Variants in BICD2 observed in about 807,000 individuals in gnomAD.
BICD2 encodes protein bicaudal D homolog 2.
Under a neutral mutation model 72.9 loss-of-function variants are expected in BICD2, and 25 were observed. The ratio of observed to expected loss-of-function variants is 0.34; its 90% confidence interval spans 0.25 to 0.48. BICD2 has a LOEUF of 0.48. Ranked by LOEUF, BICD2 falls within the 20% of genes least tolerant of loss-of-function variation. BICD2 has a pLI of 0.99. For missense variants in BICD2, 894 were observed against 1,175.2 expected (o/e 0.76, Z 3.50); for synonymous variants, 501 against 516.1 (o/e 0.97, Z 0.40).
chr9:92,758,125 AC>A (rs1185609969), intron 1 of BICD2, among the ~76,000 whole-genome samples: 1 of 151,606 alleles, frequency 6.6e-6, no homozygotes, highest in African/African-American at 2.4e-5. Flanking sequence ...AATTGCTTGA[AC>A]CTGGAAGGCA....
Position 92,720,957 on chromosome 9 carries a change from G to C in BICD2, c.607-202C>G, listed in dbSNP as rs2131502917. On this transcript the variant is annotated intron_variant, in intron 3 of 6. Coordinates refer to ENST00000356884, the MANE Select transcript of BICD2 (RefSeq NM_001003800.2). This position sits in a 1 kb window ranked among gnomAD's most constrained non-coding sequence, Gnocchi z 5.4. ...CTCTGCTCAGAGATGTGGATGCTAA[G>C]AAGGTTCCAGGGCATGAGATGCGAA... Among the ~76,000 whole-genome samples, 1 of 152,344 alleles carries C rather than the reference G, an allele frequency of 6.6e-6. No individual in the cohort carries two copies. The highest frequency in any genetic ancestry group is 2.1e-4 in the South Asian group (1 of 4,832).
chr9:92,741,769 C>G (rs1441824940), intron 1 of BICD2, among the ~76,000 whole-genome samples: 2 of 152,180 alleles, frequency 1.3e-5, no homozygotes, highest in African/African-American at 4.8e-5. Flanking sequence ...ACACTCTCAC[C>G]ACACTTAAAA....
rs145935563 is a variant in BICD2 at position 92,761,703 on chromosome 9, G to A, written c.240+2802C>T. ...ACAGAACAAAGTGTCTCACGGCCAC[G>A]CAGGACCAGGAACACCAGGTTGCTG... On this transcript the variant is annotated intron_variant, in intron 1 of 6. Coordinates refer to ENST00000356884, the MANE Select transcript of BICD2 (RefSeq NM_001003800.2). Among the ~76,000 whole-genome samples the A allele has an allele frequency of 1.1e-3, 175 of 152,318 alleles. 2 individuals are homozygous for A. Among genetic ancestry groups the A allele is most frequent in the African/African-American group, 3.9e-3 (164 of 41,578 alleles).
At chr9:92,744,866 A>G (rs1853976498) in intron 1 of BICD2, among the ~76,000 whole-genome samples, 1 of 152,106 alleles carries the variant, frequency 6.6e-6, no homozygotes, top group East Asian at 1.9e-4. Flanking sequence ...AAAAAAGGAA[A>G]AGCTGCAGAA....
intron 1 of BICD2, among the ~76,000 whole-genome samples, chr9:92,748,069 G>A (rs1278962683): frequency 6.6e-6 from 1 of 152,172 alleles, no homozygotes; most frequent in East Asian, 1.9e-4. Flanking sequence ...GGAACTCCAG[G>A]GGTACAGGGT....
intron 1 of BICD2, among the ~76,000 whole-genome samples, chr9:92,751,018 C>A (rs1198381983): frequency 6.6e-6 from 1 of 151,776 alleles, no homozygotes. Context: ...TCAAGCAATT[C>A]TCCTGCCTCA....
intron 2 of BICD2, 85 bp from the exon 3 acceptor site, chr9:92,722,893 G>T: frequency 6.5e-7 from 1 of 1,539,030 alleles, no homozygotes; most frequent in Non-Finnish European, 8.9e-7. Context: ...GCCATGGCCA[G>T]CCATACAGCC....
At chr9:92,740,071 C>T (rs1587682564) in intron 1 of BICD2, among the ~76,000 whole-genome samples, 1 of 152,168 alleles carries the variant, frequency 6.6e-6, no homozygotes, top group Non-Finnish European at 1.5e-5. Context: ...TCAAACCTAT[C>T]GTGACCCAAA....
In BICD2 at chr9:92,720,211, C is replaced by A; in HGVS notation, c.1062+89G>T. ...CAACGTAAGGAAAAGGGAAAGTTAA[C>A]ATCAGCAGAGTGTCAGGTAAGCACT... is the stretch of plus-strand genomic sequence containing the variant. On this transcript the variant is annotated intron_variant, in intron 4 of 6. Coordinates refer to ENST00000356884, the MANE Select transcript of BICD2 (RefSeq NM_001003800.2). This position sits in a 1 kb window ranked among gnomAD's most constrained non-coding sequence, Gnocchi z 5.4. 1 of 1,277,156 alleles carries A rather than the reference C, an allele frequency of 7.8e-7. No individual in the cohort carries two copies. 79.1% of individuals were successfully genotyped at this position (1,277,156 alleles called of 1,614,324 possible).
chr9:92,720,807 C>T lies in BICD2; in HGVS notation c.607-52G>A. 1.3e-6 allele frequency: 2 copies of T among 1,561,882 alleles called. No individual in the cohort carries two copies. The highest frequency in any genetic ancestry group is 1.7e-6 in the Non-Finnish European group (2 of 1,150,040). ...ATCAATGCAATGTGGAAGCTCCTTT[C>T]AGGCCCCATAAATGAAGAAAACACA... is the stretch of plus-strand genomic sequence containing the variant. On this transcript the variant is annotated intron_variant, in intron 3 of 6. Transcript: ENST00000356884. This position sits in a 1 kb window ranked among gnomAD's most constrained non-coding sequence, Gnocchi z 5.4.
chr9:92,753,533 TTTTTA>T (rs572033610), intron 1 of BICD2, among the ~76,000 whole-genome samples: 86 of 152,154 alleles, frequency 5.7e-4, no homozygotes, highest in African/African-American at 1.8e-3. Flanking sequence ...GCAGCACAGT[TTTTTA>T]TTTTATTTTA....
chr9:92,730,842 C>A (rs143240613), intron 1 of BICD2, among the ~76,000 whole-genome samples: 1 of 152,264 alleles, frequency 6.6e-6, no homozygotes, highest in East Asian at 1.9e-4. Flanking sequence ...GAGGCTGGGT[C>A]TTGCTCACCT....
chr9:92,729,138 G>A lies in BICD2; in HGVS notation c.339C>T (p.Tyr113=). ...LIQESASKEQ[Y]YVRKVLELQT... Reference sequence around the variant, plus strand: ...GCAGCTCTAGCACCTTCCGCACGTAGTACTGCTCCTTGGAGGCCGACTCCT... The same window carrying A: ...GCAGCTCTAGCACCTTCCGCACGTAATACTGCTCCTTGGAGGCCGACTCCT... Residue 113 remains tyrosine, a synonymous_variant, in exon 2 of 7, where the codon TAC becomes TAT. Transcript: ENST00000356884. The A allele has an allele frequency of 6.2e-7, 1 of 1,614,240 alleles. No homozygotes were observed.
intron 2 of BICD2, among the ~76,000 whole-genome samples, chr9:92,726,049 G>C (rs1853560915): frequency 6.6e-6 from 1 of 152,200 alleles, no homozygotes; most frequent in Admixed American, 6.5e-5. Context: ...CTCACTAGCA[G>C]GAGAGAAGCT....
Position 92,726,102 on chromosome 9 carries a change from T to C in BICD2, c.453+2922A>G, listed in dbSNP as rs186348908. On this transcript the variant is annotated intron_variant, in intron 2 of 6. Coordinates refer to ENST00000356884, the MANE Select transcript of BICD2 (RefSeq NM_001003800.2). Reference sequence around the variant, plus strand: ...GTAGGGCCCACACATACACAGCGGTTAGAGTCAGGATCTGAGAAGCACCTC... The same window carrying C: ...GTAGGGCCCACACATACACAGCGGTCAGAGTCAGGATCTGAGAAGCACCTC... 9.2e-5 allele frequency among the ~76,000 whole-genome samples: 14 copies of C among 152,220 alleles called. No individual in the cohort carries two copies. The East Asian group carries it at 2.7e-3, about 29-fold the overall frequency.
At chr9:92,754,472 A>G (rs1372452041) in intron 1 of BICD2, among the ~76,000 whole-genome samples, 1 of 152,222 alleles carries the variant, frequency 6.6e-6, no homozygotes, top group Admixed American at 6.5e-5. Context: ...TTACATTTTC[A>G]AAAGACACGT....
At chr9:92,751,581 G>C (rs943478792) in intron 1 of BICD2, among the ~76,000 whole-genome samples, 1 of 152,176 alleles carries the variant, frequency 6.6e-6, no homozygotes, top group African/African-American at 2.4e-5. Flanking sequence ...TGCTGTACAT[G>C]TGAACTGGAA....
intron 1 of BICD2, among the ~76,000 whole-genome samples, chr9:92,751,395 T>C (rs1368476647): frequency 2.0e-5 from 3 of 152,014 alleles, no homozygotes; most frequent in Non-Finnish European, 2.9e-5. Flanking sequence ...CTATCCTCCT[T>C]GGCCTCCCAA....
rs1853429393 is a variant in BICD2, at chr9:92,720,131, T to C, written c.1062+169A>G. Among the ~76,000 whole-genome samples, 1 of 152,226 alleles carries C rather than the reference T, an allele frequency of 6.6e-6. No homozygotes were observed. The highest frequency in any genetic ancestry group is 2.1e-4 in the South Asian group (1 of 4,838). On this transcript the variant is annotated intron_variant, in intron 4 of 6. Coordinates refer to ENST00000356884, the MANE Select transcript of BICD2 (RefSeq NM_001003800.2). This position sits in a 1 kb window ranked among gnomAD's most constrained non-coding sequence, Gnocchi z 5.4. ...TGCCAGGAAACCACTTCTCTGAGAC[T>C]CCTCTATGTGTGCTCCTGGAGTTCC... is the stretch of plus-strand genomic sequence containing the variant.
Sources: gnomAD v4.1 joint callset for allele counts (sites outside exome capture counted in the v4.1 genomes callset) on GRCh38, gnomAD v4.1.1 for gene constraint, Gnocchi (gnomAD v3.1) non-coding constraint, MANE v1.5 for transcripts, NCBI Gene and HGNC (gene_info 2026-07-23, HGNC 2026-07-21) for gene names.